PTPRK: variants seen among roughly 807,000 people sequenced by gnomAD.
PTPRK encodes the protein protein tyrosine phosphatase receptor type K.
A neutral mutation model predicts 178.0 loss-of-function variants in PTPRK; 75 were observed. That is an observed-to-expected ratio of 0.42 (90% CI 0.35 to 0.51). The LOEUF (loss-of-function observed/expected upper bound fraction) is 0.51. Ranked by LOEUF, PTPRK falls within the 20% of genes least tolerant of loss-of-function variation. The probability of loss-of-function intolerance (pLI) is 0.02; values close to 1 mark genes in which losing one functional copy is unlikely to be tolerated. For missense variants in PTPRK, 1,441 were observed against 1,797.8 expected (o/e 0.80, Z 3.59); for synonymous variants, 637 against 620.6 (o/e 1.03, Z -0.39).
intron 3 of PTPRK, among the ~76,000 whole-genome samples, chr6:128,268,490 C>A (rs1021652030): frequency 6.6e-6 from 1 of 152,086 alleles, no homozygotes; most frequent in African/African-American, 2.4e-5. Flanking sequence ...CTTATGATTT[C>A]GCCTTTCTTG....
chr6:128,262,890 C>CA (rs1338766981), intron 3 of PTPRK, among the ~76,000 whole-genome samples: 3 of 135,874 alleles, frequency 2.2e-5, no homozygotes, highest in African/African-American at 8.9e-5. Context: ...AAGTGCTTTA[C>CA]ATTCTAGATA....
chr6:127,998,208 T>G (rs1026896936), intron 16 of PTPRK, among the ~76,000 whole-genome samples: 1 of 152,054 alleles, frequency 6.6e-6, no homozygotes, highest in African/African-American at 2.4e-5. Flanking sequence ...AGATTTGCAG[T>G]GCTCTATTTT....
At chr6:128,168,173 A>T (rs1229337474) in intron 7 of PTPRK, among the ~76,000 whole-genome samples, 1 of 152,102 alleles carries the variant, frequency 6.6e-6, no homozygotes, top group East Asian at 1.9e-4. Flanking sequence ...AAATCTTGTG[A>T]CATCTCCCAA....
chr6:128,497,736 T>C (rs147988526), intron 1 of PTPRK, among the ~76,000 whole-genome samples: 72 of 152,246 alleles, frequency 4.7e-4, no homozygotes, highest in African/African-American at 1.6e-3. Context: ...TTCTCTTAAT[T>C]TGGATCCAAA....
chr6:128,260,826 G>GA (rs540182524), intron 3 of PTPRK, among the ~76,000 whole-genome samples: 247 of 152,206 alleles, frequency 1.6e-3, no homozygotes, highest in Admixed American at 3.7e-3. Flanking sequence ...AAAAATATAG[G>GA]AAGTTGTAGT....
chr6:128,091,429 T>C (rs143105780), intron 7 of PTPRK, among the ~76,000 whole-genome samples: 26 of 152,272 alleles, frequency 1.7e-4, no homozygotes, highest in African/African-American at 6.0e-4. Flanking sequence ...GAAAACACAG[T>C]CTTTGCTATG....
chr6:128,281,130 T>C (rs1315433664), intron 3 of PTPRK, among the ~76,000 whole-genome samples: 1 of 152,146 alleles, frequency 6.6e-6, no homozygotes, highest in Non-Finnish European at 1.5e-5. Context: ...TTTGATATCC[T>C]GCTGACCCCT....
chr6:128,025,092 CT>C (rs1562455816), intron 13 of PTPRK, among the ~76,000 whole-genome samples: 1 of 152,122 alleles, frequency 6.6e-6, no homozygotes, highest in Non-Finnish European at 1.5e-5. Flanking sequence ...TTTGCCAGTC[CT>C]TTTAAATTAA....
At chr6:128,392,487 T>G (rs889040270) in intron 2 of PTPRK, among the ~76,000 whole-genome samples, 2 of 152,176 alleles carry the variant, frequency 1.3e-5, no homozygotes, top group East Asian at 3.8e-4. Flanking sequence ...CAGTCAAAGA[T>G]AAATGTATTG....
At chr6:128,437,430 C>T (rs1259105290) in intron 1 of PTPRK, among the ~76,000 whole-genome samples, 1 of 152,102 alleles carries the variant, frequency 6.6e-6, no homozygotes, top group Non-Finnish European at 1.5e-5. Context: ...ATCTAATAAA[C>T]TATGTTACCT....
intron 13 of PTPRK, among the ~76,000 whole-genome samples, chr6:128,023,169 G>A (rs762892684): frequency 2.6e-5 from 4 of 152,136 alleles, no homozygotes; most frequent in Non-Finnish European, 2.9e-5. Flanking sequence ...AAACAGGATC[G>A]ATAAAGCTAT....
chr6:128,126,960 A>ATT lies in PTPRK; in HGVS notation c.1163-36970_1163-36969dup, dbSNP rs34224724. Among the ~76,000 whole-genome samples the ATT allele has an allele frequency of 4.3e-3, 622 of 146,062 alleles. 5 individuals carry two copies. Among genetic ancestry groups the ATT allele is most frequent in the African/African-American group, 0.014 (581 of 40,190 alleles). ...ATCCATGTTAGCAACTGGTACTTTC[A>ATT]TTTTTTTTTTTTGGTGGATATTAGT... is the stretch of plus-strand genomic sequence containing the variant. On this transcript the variant is annotated intron_variant, in intron 7 of 29. Transcript: ENST00000368226.
chr6:128,124,849 C>T (rs74955967), intron 7 of PTPRK, among the ~76,000 whole-genome samples: 3,882 of 152,248 alleles, frequency 0.025, 76 homozygotes, highest in Middle Eastern at 0.092. Context: ...CAACATTTGC[C>T]CTTAAAAATT....
intron 18 of PTPRK, among the ~76,000 whole-genome samples, chr6:127,994,156 AG>A (rs1279012518): frequency 1.3e-5 from 2 of 151,798 alleles, no homozygotes; most frequent in Non-Finnish European, 3.0e-5. Flanking sequence ...AAAATATATT[AG>A]TTCAACTAAA....
At chr6:128,275,853 C>T (rs545238939) in intron 3 of PTPRK, among the ~76,000 whole-genome samples, 11 of 152,064 alleles carry the variant, frequency 7.2e-5, no homozygotes, top group African/African-American at 2.6e-4. Flanking sequence ...ATGTCTGACT[C>T]ATAAGGTTCT....
chr6:128,422,667 T>C (rs1843618498), intron 1 of PTPRK, among the ~76,000 whole-genome samples: 1 of 91,154 alleles, frequency 1.1e-5, no homozygotes, highest in South Asian at 4.0e-4. Context: ...TTTTAACATT[T>C]CACGGACGCA....
At chr6:128,329,554 A>T (rs2128324856) in intron 2 of PTPRK, among the ~76,000 whole-genome samples, 1 of 152,298 alleles carries the variant, frequency 6.6e-6, no homozygotes, top group Middle Eastern at 3.4e-3. Flanking sequence ...TTCAAGTCCA[A>T]GTCTGAGTCC....
At chr6:128,173,189 A>G (rs1196105371) in intron 7 of PTPRK, among the ~76,000 whole-genome samples, 1 of 152,032 alleles carries the variant, frequency 6.6e-6, no homozygotes, top group Non-Finnish European at 1.5e-5. Flanking sequence ...AGAAATCACA[A>G]TTCAACAAAC....
intron 7 of PTPRK, among the ~76,000 whole-genome samples, chr6:128,141,701 C>T (rs898019506): frequency 6.6e-6 from 1 of 151,932 alleles, no homozygotes; most frequent in African/African-American, 2.4e-5. Context: ...GATGTATTAA[C>T]TCAATTTTGA....
Sources: gnomAD v4.1 joint callset for allele counts (sites outside exome capture counted in the v4.1 genomes callset) on GRCh38, gnomAD v4.1.1 for gene constraint, MANE v1.5 for transcripts, NCBI Gene and HGNC (gene_info 2026-07-23, HGNC 2026-07-21) for gene names.